KIAA1328: variants seen among roughly 807,000 people sequenced by gnomAD.
KIAA1328 encodes the protein protein hinderin.
A neutral mutation model predicts 68.1 loss-of-function variants in KIAA1328; 52 were observed. The observed-to-expected ratio is 0.76, with a 90% CI of 0.61 to 0.96. KIAA1328 has a LOEUF of 0.96. KIAA1328 is among the 40% of genes least tolerant of loss of function. The probability of loss-of-function intolerance (pLI) is 0.00; values close to 1 mark genes in which losing one functional copy is unlikely to be tolerated. For synonymous variants in KIAA1328, 232 were observed against 239.4 expected (o/e 0.97, Z 0.28); for missense variants, 641 against 677.6 (o/e 0.95, Z 0.60).
chr18:36,988,169 A>G (rs775484666), intron 6 of KIAA1328, among the ~76,000 whole-genome samples: 9 of 152,220 alleles, frequency 5.9e-5, no homozygotes, highest in Non-Finnish European at 1.3e-4. Flanking sequence ...TGAGCAATCA[A>G]TTCTAATGGC....
At position 37,224,648 on chromosome 18, in the gene KIAA1328, G is replaced by T. The variant is rs952202629; in HGVS notation, c.*2421G>T. On this transcript the variant is annotated 3_prime_UTR_variant, in exon 10 of 10. Coordinates refer to ENST00000280020, the MANE Select transcript of KIAA1328 (RefSeq NM_020776.3). Reference sequence around the variant, plus strand: ...TGAAAGGTTGTTACAGAGCCTCAAAGCTGTTGCAGACTATCCCAAGAGAAA... The same window carrying T: ...TGAAAGGTTGTTACAGAGCCTCAAATCTGTTGCAGACTATCCCAAGAGAAA... 11 of 985,362 alleles carry T rather than the reference G, an allele frequency of 1.1e-5. No individual in the cohort carries two copies. Among genetic ancestry groups the T allele is most frequent in the South Asian group, 9.4e-5 (2 of 21,284 alleles). 61.0% of individuals were successfully genotyped at this position (985,362 alleles called of 1,614,324 possible).
chr18:37,122,124 A>T (rs1311281953), intron 7 of KIAA1328, among the ~76,000 whole-genome samples: 1 of 152,178 alleles, frequency 6.6e-6, no homozygotes, highest in Non-Finnish European at 1.5e-5. Context: ...GTGAAAGAGG[A>T]GTCTGCAATG....
intron 6 of KIAA1328, among the ~76,000 whole-genome samples, chr18:37,052,106 A>G (rs2055720769): frequency 6.6e-6 from 1 of 152,142 alleles, no homozygotes; most frequent in South Asian, 2.1e-4. Context: ...TTAATAAAAT[A>G]TGAGAAAACC....
At chr18:36,890,652 C>CAAAGT (rs1470155899) in intron 5 of KIAA1328, among the ~76,000 whole-genome samples, 1 of 152,112 alleles carries the variant, frequency 6.6e-6, no homozygotes, top group Non-Finnish European at 1.5e-5. Context: ...GCATAGGTGA[C>CAAAGT]AAAGTGAGGC....
chr18:37,185,790 A>G (rs1216598394), intron 9 of KIAA1328, among the ~76,000 whole-genome samples: 1 of 151,758 alleles, frequency 6.6e-6, no homozygotes, highest in Non-Finnish European at 1.5e-5. Context: ...TTTCATCTTA[A>G]TGGGGTATGC....
downstream of KIAA1328, among the ~76,000 whole-genome samples, chr18:37,228,819 CAGAAAAAAAAA>C (rs555782218): frequency 2.1e-4 from 31 of 146,716 alleles, no homozygotes; most frequent in South Asian, 4.3e-4. Context: ...GATTCCATCT[CAGAAAAAAAAA>C]AGAAAAAAAA....
intron 6 of KIAA1328, among the ~76,000 whole-genome samples, chr18:36,989,113 C>T (rs2053064097): frequency 6.6e-6 from 1 of 151,976 alleles, no homozygotes; most frequent in Admixed American, 6.6e-5. Flanking sequence ...TTGAGTTATT[C>T]ATCTTTTATG....
chr18:37,224,395 G>A lies in KIAA1328; in HGVS notation c.*2168G>A. 1 of 985,356 alleles carries A rather than the reference G, an allele frequency of 1.0e-6. No homozygotes were observed. The highest frequency in any genetic ancestry group is 1.2e-6 in the Non-Finnish European group (1 of 829,926). The allele number at this position is 985,356 out of a possible 1,614,324, so 61.0% of individuals were successfully genotyped here. A position where few individuals can be genotyped will look rare whatever the true frequency, so the allele number is the denominator to read the frequency against. On this transcript the variant is annotated 3_prime_UTR_variant, in exon 10 of 10. Transcript: ENST00000280020. ...TGCCTCTCCATGAATGGCCAATTTGGAAAAGCAGAGATGGGCTTTCAGCAG... is the reference window on the plus strand; with the variant it reads ...TGCCTCTCCATGAATGGCCAATTTGAAAAAGCAGAGATGGGCTTTCAGCAG...
At chr18:37,036,307 A>G (rs960644802) in intron 6 of KIAA1328, among the ~76,000 whole-genome samples, 14 of 152,232 alleles carry the variant, frequency 9.2e-5, no homozygotes, top group Non-Finnish European at 4.4e-5. Context: ...CTGTAAGAGA[A>G]AGTTTTTGTT....
intron 6 of KIAA1328, among the ~76,000 whole-genome samples, chr18:36,966,635 G>T (rs995223071): frequency 4.6e-5 from 7 of 152,110 alleles, no homozygotes; most frequent in African/African-American, 1.7e-4. Flanking sequence ...AGTTCAGCGA[G>T]GATACAGGAT....
intron 5 of KIAA1328, among the ~76,000 whole-genome samples, chr18:36,946,097 G>A (rs974926092): frequency 3.3e-5 from 5 of 152,132 alleles, no homozygotes; most frequent in African/African-American, 9.7e-5. Flanking sequence ...TTTCAGATTA[G>A]GGATATTCAA....
chr18:36,925,957 C>T (rs746660093), intron 5 of KIAA1328, among the ~76,000 whole-genome samples: 1 of 151,926 alleles, frequency 6.6e-6, no homozygotes, highest in Non-Finnish European at 1.5e-5. Flanking sequence ...CCCCTTTCCA[C>T]TTTGATTTCT....
At chr18:36,965,579 C>G (rs2051893798) in intron 6 of KIAA1328, among the ~76,000 whole-genome samples, 1 of 147,168 alleles carries the variant, frequency 6.8e-6, no homozygotes, top group Admixed American at 6.8e-5. Flanking sequence ...CCATGTTGGT[C>G]AGGCTGGTCT....
downstream of KIAA1328, chr18:37,229,442 CCAA>C (rs1033281161): frequency 3.4e-6 from 2 of 586,132 alleles, no homozygotes; most frequent in African/African-American, 4.0e-5. Flanking sequence ...ATTTTTTGCA[CCAA>C]TAATGAAAAT....
chr18:36,842,692 A>G (rs1293034314), intron 3 of KIAA1328, among the ~76,000 whole-genome samples: 2 of 141,484 alleles, frequency 1.4e-5, no homozygotes, highest in East Asian at 2.0e-4. Context: ...TTTTTTGCCT[A>G]GTTACAAAGA....
chr18:36,833,719 T>G (rs1001706084), intron 1 of KIAA1328, among the ~76,000 whole-genome samples: 2 of 152,244 alleles, frequency 1.3e-5, no homozygotes, highest in Admixed American at 1.3e-4. Flanking sequence ...AATCATAGCC[T>G]TTCTAAATTT....
intron 6 of KIAA1328, among the ~76,000 whole-genome samples, chr18:36,983,361 A>G (rs2052774057): frequency 6.6e-6 from 1 of 152,090 alleles, no homozygotes; most frequent in Non-Finnish European, 1.5e-5. Context: ...TGGGATCAGT[A>G]TTACTGTTTT....
At chr18:37,066,602 CTCTT>C (rs1568359062) in intron 6 of KIAA1328, among the ~76,000 whole-genome samples, 1 of 152,164 alleles carries the variant, frequency 6.6e-6, no homozygotes, top group African/African-American at 2.4e-5. Flanking sequence ...TTATGTAACT[CTCTT>C]TATTTGCAAC....
chr18:37,084,522 T>G, intron 7 of KIAA1328: 1 of 190,622 alleles, frequency 5.2e-6, no homozygotes, highest in Non-Finnish European at 1.1e-5. Context: ...TATTGAGTAT[T>G]AAGGATTATG....
Sources: allele counts gnomAD v4.1 joint callset (sites outside exome capture counted in the v4.1 genomes callset), GRCh38; gene constraint gnomAD v4.1.1; transcripts MANE v1.5; gene names NCBI Gene and HGNC (gene_info 2026-07-23, HGNC 2026-07-21).